Variants in LIN52 observed in about 807,000 individuals in gnomAD.
LIN52 encodes the protein lin-52 DREAM MuvB core complex component.
A neutral mutation model predicts 18.5 loss-of-function variants in LIN52; 4 were observed. The ratio of observed to expected loss-of-function variants is 0.22; its 90% CI spans 0.11 to 0.49. The LOEUF is 0.49. Among genes scored for constraint, LIN52 ranks in the 20% least tolerant of loss-of-function variants. LIN52 has a pLI of 0.97. For synonymous variants in LIN52, 34 were observed against 45.5 expected, an observed-to-expected ratio of 0.75 and a Z score of 1.02; for missense variants, 102 against 139.5, an observed-to-expected ratio of 0.73 and a Z score of 1.35.
intron 5 of LIN52, among the ~76,000 whole-genome samples, chr14:74,131,591 C>CA (rs766337159): frequency 1.3e-5 from 2 of 152,210 alleles, no homozygotes; most frequent in African/African-American, 2.4e-5. Context: ...GCTGGGATTA[C>CA]AGGCGTGAGC....
intron 5 of LIN52, among the ~76,000 whole-genome samples, chr14:74,104,158 A>G (rs965703633): frequency 9.9e-5 from 15 of 152,004 alleles, no homozygotes; most frequent in African/African-American, 3.6e-4. Context: ...CAGCATCCCA[A>G]AGTGCCAGGA....
intron 5 of LIN52, among the ~76,000 whole-genome samples, chr14:74,171,844 T>A (rs1182807913): frequency 6.7e-6 from 1 of 149,622 alleles, no homozygotes; most frequent in African/African-American, 2.5e-5. Flanking sequence ...GTTCAAGCAG[T>A]TCTCCTGCCA....
chr14:74,172,617 T>C (rs2061276628), intron 5 of LIN52, among the ~76,000 whole-genome samples: 1 of 152,198 alleles, frequency 6.6e-6, no homozygotes, highest in Admixed American at 6.5e-5. Context: ...GCAGGTTATG[T>C]GATGTGATGT....
chr14:74,090,646 T>C (rs549923238), intron 1 of LIN52, among the ~76,000 whole-genome samples: 1 of 152,268 alleles, frequency 6.6e-6, no homozygotes, highest in South Asian at 2.1e-4. Context: ...GGGTTTTTTT[T>C]TGAAACACAG....
chr14:74,183,363 T>C (rs908739646), intron 5 of LIN52, among the ~76,000 whole-genome samples: 2 of 152,098 alleles, frequency 1.3e-5, no homozygotes, highest in African/African-American at 4.8e-5. Flanking sequence ...CCTCCCAAAG[T>C]GCTGGGATTA....
chr14:74,136,401 T>A (rs1204112496), intron 5 of LIN52, among the ~76,000 whole-genome samples: 1 of 152,162 alleles, frequency 6.6e-6, no homozygotes, highest in Admixed American at 6.5e-5. Flanking sequence ...TTCTAATTGC[T>A]TAGGTTGAAA....
intron 5 of LIN52, among the ~76,000 whole-genome samples, chr14:74,182,574 T>G (rs1019288459): frequency 7.3e-6 from 1 of 137,768 alleles, no homozygotes; most frequent in Non-Finnish European, 1.7e-5. Flanking sequence ...AAAATTGGAT[T>G]AGCGAGGTCA....
intron 5 of LIN52, among the ~76,000 whole-genome samples, chr14:74,108,368 CAT>C (rs1566849391): frequency 6.6e-6 from 1 of 151,890 alleles, no homozygotes. Flanking sequence ...TTTGGGTAAA[CAT>C]GTTTTCATTT....
At chr14:74,127,164 A>G (rs1028622443) in intron 5 of LIN52, among the ~76,000 whole-genome samples, 2 of 152,228 alleles carry the variant, frequency 1.3e-5, no homozygotes, top group Middle Eastern at 3.2e-3. Flanking sequence ...TTAGCAGTAA[A>G]TAAGACAGAT....
intron 5 of LIN52, among the ~76,000 whole-genome samples, chr14:74,106,755 G>A (rs906517012): frequency 1.1e-4 from 17 of 152,054 alleles, no homozygotes; most frequent in East Asian, 5.8e-4. Context: ...CATGCCCAGC[G>A]TTTTAAAAAT....
At chr14:74,125,120 G>T (rs1379080416) in intron 5 of LIN52, among the ~76,000 whole-genome samples, 1 of 152,102 alleles carries the variant, frequency 6.6e-6, no homozygotes, top group Non-Finnish European at 1.5e-5. Context: ...AATCCTCTGG[G>T]TATATACCCA....
intron 5 of LIN52, among the ~76,000 whole-genome samples, chr14:74,109,962 C>T (rs1468112178): frequency 1.3e-5 from 2 of 152,108 alleles, no homozygotes. Flanking sequence ...TCCTAATTGT[C>T]CTGGCTAGAA....
intron 5 of LIN52, among the ~76,000 whole-genome samples, chr14:74,149,836 C>G (rs1007419885): frequency 6.6e-6 from 1 of 152,088 alleles, no homozygotes; most frequent in Non-Finnish European, 1.5e-5. Flanking sequence ...GATACAGACT[C>G]TTCTGTTTGC....
chr14:74,171,140 T>C (rs1169186300), intron 5 of LIN52, among the ~76,000 whole-genome samples: 3 of 149,332 alleles, frequency 2.0e-5, no homozygotes, highest in Non-Finnish European at 4.4e-5. Flanking sequence ...TCCTAACACT[T>C]TGAGAGGCTG....
chr14:74,171,887 C>T (rs987830802), intron 5 of LIN52, among the ~76,000 whole-genome samples: 23 of 151,898 alleles, frequency 1.5e-4, no homozygotes, highest in African/African-American at 5.3e-4. Context: ...TACAGGCATG[C>T]GCCACCAAAC....
chr14:74,106,268 C>T (rs1363922712), intron 5 of LIN52, among the ~76,000 whole-genome samples: 3 of 151,976 alleles, frequency 2.0e-5, no homozygotes, highest in Non-Finnish European at 4.4e-5. Flanking sequence ...TTACTGCTGC[C>T]GCATTGTTTT....
At chr14:74,155,134 G>GC in intron 5 of LIN52, among the ~76,000 whole-genome samples, 1 of 152,322 alleles carries the variant, frequency 6.6e-6, no homozygotes, top group African/African-American at 2.4e-5. Context: ...GTGCCAAGCA[G>GC]CCCCTCTTCT....
intron 5 of LIN52, among the ~76,000 whole-genome samples, chr14:74,119,984 C>T (rs10141021): frequency 0.17 from 26,168 of 151,624 alleles, 2,763 homozygotes; most frequent in East Asian, 0.58. Context: ...TACAGGTGCA[C>T]GCTACCACGT....
chr14:74,161,831 G>C (rs914086802), intron 5 of LIN52, among the ~76,000 whole-genome samples: 1 of 152,208 alleles, frequency 6.6e-6, no homozygotes, highest in South Asian at 2.1e-4. Context: ...CCTGCTTGTC[G>C]CTGCACAGAA....
Sources: gnomAD v4.1 joint callset for allele counts (sites outside exome capture counted in the v4.1 genomes callset) on GRCh38, gnomAD v4.1.1 for gene constraint, MANE v1.5 for transcripts, NCBI Gene and HGNC (gene_info 2026-07-23, HGNC 2026-07-21) for gene names.